Variants in MYO16 observed in about 807,000 individuals in gnomAD.
The protein encoded by MYO16 is myosin XVI.
A neutral mutation model predicts 205.3 loss-of-function variants in MYO16; 94 were observed. The observed-to-expected ratio is 0.46, with a 90% CI of 0.39 to 0.54. MYO16 has a LOEUF of 0.54. MYO16 is among the 20% of genes least tolerant of loss of function. The pLI is 0.00. For synonymous variants in MYO16, 988 were observed against 954.0 expected (o/e 1.04, Z -0.66); for missense variants, 2,315 against 2,387.5 (o/e 0.97, Z 0.63).
intron 16 of MYO16, among the ~76,000 whole-genome samples, chr13:108,925,815 G>A (rs1881973284): frequency 6.6e-6 from 1 of 152,150 alleles, no homozygotes; most frequent in Non-Finnish European, 1.5e-5. Context: ...GACACTGACT[G>A]GCCCCCATGA....
At chr13:109,151,168 A>AT (rs1374321211) in intron 32 of MYO16, among the ~76,000 whole-genome samples, 1 of 152,106 alleles carries the variant, frequency 6.6e-6, no homozygotes, top group East Asian at 1.9e-4. Flanking sequence ...AGCCTACAAA[A>AT]TTTCACGCCA....
At chr13:108,595,417 C>T (rs1047192152), upstream of MYO16, among the ~76,000 whole-genome samples, 1 of 152,094 alleles carries the variant, frequency 6.6e-6, no homozygotes, top group Non-Finnish European at 1.5e-5. Flanking sequence ...TGACTTACAG[C>T]TTGCTCTTGA....
intron 3 of MYO16, 57 bp from the exon 4 acceptor site, chr13:108,727,383 A>G: frequency 6.4e-7 from 1 of 1,555,028 alleles, no homozygotes; most frequent in East Asian, 2.3e-5. Context: ...GGACATTTGG[A>G]ATAAGCCATA....
the MYO16 span, among the ~76,000 whole-genome samples, chr13:108,534,293 T>C: frequency 6.6e-6 from 1 of 152,188 alleles, no homozygotes; most frequent in Admixed American, 6.5e-5. Context: ...CATTTCTACA[T>C]ATTGTTATTG....
intron 6 of MYO16, among the ~76,000 whole-genome samples, chr13:108,800,501 C>A (rs1489041584): frequency 1.3e-5 from 2 of 152,180 alleles, no homozygotes; most frequent in Non-Finnish European, 2.9e-5. Context: ...GTCATCTGAG[C>A]AGTTTTAGGG....
chr13:109,172,154 C>T (rs1013163842), intron 33 of MYO16, among the ~76,000 whole-genome samples: 4 of 152,270 alleles, frequency 2.6e-5, no homozygotes, highest in Non-Finnish European at 1.5e-5. Context: ...TTGGTTGGAA[C>T]CCATAAATAT....
intron 23 of MYO16, among the ~76,000 whole-genome samples, chr13:109,040,136 A>G (rs1280633793): frequency 6.6e-6 from 1 of 152,110 alleles, no homozygotes; most frequent in Non-Finnish European, 1.5e-5. Flanking sequence ...TATGAAATAG[A>G]CAATTTGAAT....
At chr13:108,748,807 C>T (rs1885141524) in intron 4 of MYO16, among the ~76,000 whole-genome samples, 1 of 152,114 alleles carries the variant, frequency 6.6e-6, no homozygotes, top group South Asian at 2.1e-4. Flanking sequence ...ACATCTTAAA[C>T]CTTTCACAAA....
At chr13:109,042,988 T>C (rs768621475) in intron 23 of MYO16, among the ~76,000 whole-genome samples, 2 of 152,222 alleles carry the variant, frequency 1.3e-5, no homozygotes, top group Non-Finnish European at 2.9e-5. Context: ...AATGGGAGTT[T>C]TTTTACTTTA....
chr13:108,746,019 C>G (rs528162761), intron 4 of MYO16, among the ~76,000 whole-genome samples: 20 of 139,552 alleles, frequency 1.4e-4, no homozygotes, highest in African/African-American at 5.2e-4. Context: ...AACCCCATCT[C>G]TACTAAAAAA....
At chr13:109,047,698 C>T (rs1727717652) in intron 24 of MYO16, among the ~76,000 whole-genome samples, 1 of 152,006 alleles carries the variant, frequency 6.6e-6, no homozygotes. Context: ...TGAATTAAAA[C>T]ATTGCATCTT....
At chr13:108,849,173 CTGTTTTTT>C (rs1409640509) in intron 10 of MYO16, among the ~76,000 whole-genome samples, 1 of 143,098 alleles carries the variant, frequency 7.0e-6, no homozygotes, top group African/African-American at 2.7e-5. Flanking sequence ...AAGTTTTTTT[CTGTTTTTT>C]TGTTTTTGTT....
upstream of MYO16, among the ~76,000 whole-genome samples, chr13:108,624,781 C>CTGTG (rs767842855): frequency 0.082 from 9,991 of 121,502 alleles, 422 homozygotes; most frequent in South Asian, 0.098. Flanking sequence ...CCCATATAGC[C>CTGTG]TGAGTGTGTG....
chr13:108,864,731 T>C (rs78009950), intron 11 of MYO16, among the ~76,000 whole-genome samples: 100 of 152,158 alleles, frequency 6.6e-4, no homozygotes, highest in African/African-American at 2.3e-3. Context: ...CATCTCACCA[T>C]GTTACCCAGG....
chr13:108,789,053 G>T (rs981228359), intron 5 of MYO16, among the ~76,000 whole-genome samples: 6 of 152,108 alleles, frequency 3.9e-5, no homozygotes, highest in Non-Finnish European at 8.8e-5. Flanking sequence ...GAATATCCTT[G>T]TAGCTTAATT....
At chr13:108,802,295 T>C (rs1886992010) in intron 6 of MYO16, among the ~76,000 whole-genome samples, 1 of 152,190 alleles carries the variant, frequency 6.6e-6, no homozygotes, top group Admixed American at 6.5e-5. Context: ...TCTACTTTTA[T>C]GAGTTTTACT....
intron 4 of MYO16, among the ~76,000 whole-genome samples, chr13:108,782,983 G>T (rs1886351843): frequency 6.6e-6 from 1 of 152,200 alleles, no homozygotes; most frequent in Admixed American, 6.5e-5. Flanking sequence ...CAGTGCAAAA[G>T]GGAAATGTGG....
Position 109,195,134 on chromosome 13 carries a change from T to A in MYO16, c.5416-11475T>A, listed in dbSNP as rs1886084. ...GTAAAGAATAGTTGTTGATTTTTTT[T>A]AAGAAATTAAAGCATCCAGATAAGG... On this transcript the variant is annotated intron_variant, in intron 34 of 34. Transcript: ENST00000457511. Among the ~76,000 whole-genome samples the A allele has an allele frequency of 2.1e-3, 317 of 152,216 alleles. 6 individuals carry two copies. The highest frequency in any genetic ancestry group is 0.01 in the Admixed American group (157 of 15,272).
the MYO16 span, among the ~76,000 whole-genome samples, chr13:108,500,282 T>C: frequency 8.0e-6 from 1 of 125,616 alleles, no homozygotes; most frequent in South Asian, 2.9e-4. Flanking sequence ...CTGGCTGGAG[T>C]GCAGTGGCAC....
Sources: gnomAD v4.1 joint callset for allele counts (sites outside exome capture counted in the v4.1 genomes callset) on GRCh38, gnomAD v4.1.1 for gene constraint, MANE v1.5 for transcripts, NCBI Gene and HGNC (gene_info 2026-07-23, HGNC 2026-07-21) for gene names.